ZSCAN31: variants seen among roughly 807,000 people sequenced by gnomAD.
ZSCAN31 encodes the protein zinc finger and SCAN domain containing 31, also known as zinc finger and SCAN domain-containing protein 31.
A neutral mutation model predicts 22.5 loss-of-function variants in ZSCAN31; 14 were observed. The ratio of observed to expected loss-of-function variants is 0.62; its 90% CI spans 0.41 to 0.97. ZSCAN31 has a LOEUF of 0.97. Ranked by LOEUF, ZSCAN31 falls within the 50% of genes least tolerant of loss-of-function variation. The pLI, the probability that ZSCAN31 is intolerant of heterozygous loss-of-function variation, is 0.00. For missense variants in ZSCAN31, 424 were observed against 483.4 expected (o/e 0.88, Z 1.15); for synonymous variants, 168 against 169.8 (o/e 0.99, Z 0.08).
chr6:28,339,099 T>C (rs1764311540), upstream of ZSCAN31, among the ~76,000 whole-genome samples: 1 of 152,214 alleles, frequency 6.6e-6, no homozygotes, highest in African/African-American at 2.4e-5. Flanking sequence ...TGTTCAGTGA[T>C]TCACTTTTCT....
At chr6:28,340,262 G>A (rs1764361806), upstream of ZSCAN31, among the ~76,000 whole-genome samples, 3 of 152,166 alleles carry the variant, frequency 2.0e-5, no homozygotes, top group Admixed American at 2.0e-4. Context: ...AGAAACTTAT[G>A]ACACTATTAT....
chr6:28,356,014 G>C (rs1358616955), upstream of ZSCAN31: 1 of 152,254 alleles, frequency 6.6e-6, no homozygotes, highest in African/African-American at 2.4e-5. Context: ...CCGATGCCGA[G>C]GTCCAAAGAT....
At chr6:28,329,206 G>T in intron 2 of ZSCAN31, 97 bp downstream of exon 2, 1 of 1,407,782 alleles carries the variant, frequency 7.1e-7, no homozygotes, top group Non-Finnish European at 9.6e-7. Context: ...ACACAACAGA[G>T]AACTAATACA....
intron 2 of ZSCAN31, among the ~76,000 whole-genome samples, chr6:28,350,774 G>C (rs931331962): frequency 1.3e-5 from 2 of 152,028 alleles, no homozygotes; most frequent in African/African-American, 4.8e-5. Context: ...TTTTAGGAGG[G>C]AAAAATAAGA....
chr6:28,335,114 AC>A (rs1173054593), intron 1 of ZSCAN31, among the ~76,000 whole-genome samples: 2 of 152,024 alleles, frequency 1.3e-5, no homozygotes, highest in African/African-American at 4.8e-5. Context: ...CTCTCCCACC[AC>A]CCTGTGAAAG....
At chr6:28,337,827 G>A (rs1361386), upstream of ZSCAN31, 61,773 of 152,102 alleles carry the variant, frequency 0.41, 15,740 homozygotes, top group African/African-American at 0.72. Flanking sequence ...TTGAGAGGCC[G>A]AGATGGGAGG....
At chr6:28,332,067 T>G (rs1313054246) in intron 1 of ZSCAN31, among the ~76,000 whole-genome samples, 2 of 152,116 alleles carry the variant, frequency 1.3e-5, no homozygotes, top group African/African-American at 4.8e-5. Flanking sequence ...CCCTTTCACT[T>G]CATCAAGCCA....
intron 2 of ZSCAN31, among the ~76,000 whole-genome samples, chr6:28,345,341 C>T (rs923123597): frequency 2.6e-5 from 4 of 152,046 alleles, no homozygotes; most frequent in Non-Finnish European, 5.9e-5. Flanking sequence ...AATGACCTTG[C>T]TGGTTTATAT....
At chr6:28,335,165 T>A (rs1262103865) in intron 1 of ZSCAN31, among the ~76,000 whole-genome samples, 1 of 152,026 alleles carries the variant, frequency 6.6e-6, no homozygotes, top group Middle Eastern at 3.4e-3. Context: ...AAGGGAAGGG[T>A]CCCTGGAGAG....
intron 1 of ZSCAN31, among the ~76,000 whole-genome samples, chr6:28,334,382 TC>T (rs58217293): frequency 0.16 from 24,888 of 152,162 alleles, 2,476 homozygotes; most frequent in African/African-American, 0.27. Flanking sequence ...ATTTGATGTG[TC>T]CCCACTGTCC....
At chr6:28,335,444 C>T (rs151203230) in intron 1 of ZSCAN31, 1 of 152,400 alleles carries the variant, frequency 6.6e-6, no homozygotes, top group African/African-American at 2.4e-5. Flanking sequence ...AAAGTTTCTT[C>T]TCCTTTTGTG....
chr6:28,340,594 C>A (rs1182734241), upstream of ZSCAN31, among the ~76,000 whole-genome samples: 3 of 152,230 alleles, frequency 2.0e-5, no homozygotes, highest in Non-Finnish European at 4.4e-5. Flanking sequence ...AATTAAACCT[C>A]CTCTCTTTAT....
chr6:28,336,986 G>C (rs1230463789), upstream of ZSCAN31: 2 of 152,152 alleles, frequency 1.3e-5, no homozygotes, highest in Non-Finnish European at 2.9e-5. Context: ...TAAAACAGAC[G>C]TGCATGTGAA....
At chr6:28,354,023 C>T (rs886669156) in intron 1 of ZSCAN31, 15 of 447,746 alleles carry the variant, frequency 3.4e-5, no homozygotes, top group African/African-American at 1.8e-4. Flanking sequence ...GCCTCTGTCT[C>T]GGCTGCCTCC....
At chr6:28,346,485 G>A (rs1764648863) in intron 2 of ZSCAN31, among the ~76,000 whole-genome samples, 2 of 151,468 alleles carry the variant, frequency 1.3e-5, no homozygotes, top group Admixed American at 1.3e-4. Context: ...AGCCTCCTGA[G>A]TAGCTGGGAT....
chr6:28,343,330 A>G (rs1308405542), intron 2 of ZSCAN31, among the ~76,000 whole-genome samples: 1 of 152,032 alleles, frequency 6.6e-6, no homozygotes, highest in Non-Finnish European at 1.5e-5. Flanking sequence ...TTGCATCCCA[A>G]TGGGAGTGGA....
rs1449648302 is a variant in ZSCAN31, at chr6:28,347,416, A to G, written c.-370-5624T>C. 6.6e-6 allele frequency among the ~76,000 whole-genome samples: 1 copy of G among 152,068 alleles called. No homozygotes were observed. The highest frequency in any genetic ancestry group is 1.5e-5 in the Non-Finnish European group (1 of 68,012). On this transcript the variant is annotated intron_variant, in intron 2 of 7. Coordinates refer to the ZSCAN31 transcript ENST00000396838. This position sits in a 1 kb window ranked among gnomAD's most constrained non-coding sequence, Gnocchi z 5.2. ...ACTAGACTTACACCATCTTATTTGT[A>G]TTGCAGTTAGCCCCCTCTCATGCCA... is the stretch of plus-strand genomic sequence containing the variant.
At position 28,326,701 on chromosome 6, in the gene ZSCAN31, T is replaced by C; in HGVS notation, c.686A>G (p.Gln229Arg). 6.2e-7 allele frequency: 1 copy of C among 1,614,240 alleles called. No homozygotes were observed. The highest frequency in any genetic ancestry group is 8.5e-7 in the Non-Finnish European group (1 of 1,180,038). ...TCKRDSKAEK[Q>R]QAHSTGERRH... ...TCTCTCTCCAGTGGAATGTGCCTGCTGCTTTTCTGCCTTGCTGTCTCGTTT... is the reference window on the plus strand; with the variant it reads ...TCTCTCTCCAGTGGAATGTGCCTGCCGCTTTTCTGCCTTGCTGTCTCGTTT... The change falls in exon 4 of 4, where the codon CAG (glutamine) becomes CGG (arginine). Residue 229 changes from glutamine to arginine, a missense_variant. By Grantham distance (43) the Gln-to-Arg change is conservative. Coordinates refer to ENST00000344279, the MANE Select transcript of ZSCAN31 (RefSeq NM_030899.5).
chr6:28,342,427 C>T (rs546370907), intron 2 of ZSCAN31, among the ~76,000 whole-genome samples: 4 of 152,266 alleles, frequency 2.6e-5, no homozygotes, highest in East Asian at 3.9e-4. Context: ...CTGGACACTA[C>T]GTTAGTTCCT....
Sources: gnomAD v4.1 joint callset for allele counts (sites outside exome capture counted in the v4.1 genomes callset) on GRCh38, gnomAD v4.1.1 for gene constraint, Gnocchi (gnomAD v3.1) non-coding constraint, MANE v1.5 for transcripts, NCBI Gene and HGNC (gene_info 2026-07-23, HGNC 2026-07-21) for gene names.